ANXA4: variants seen among roughly 807,000 people sequenced by gnomAD.
ANXA4 encodes 35-beta calcimedin.
ANXA4 carries 39 observed loss-of-function variants against 49.8 expected under a neutral mutation model. The observed-to-expected ratio is 0.78, with a 90% confidence interval of 0.61 to 1.02. The LOEUF (loss-of-function observed/expected upper bound fraction) is 1.02. Among genes scored for constraint, ANXA4 ranks in the 50% least tolerant of loss-of-function variants. The pLI is 0.00. For missense variants in ANXA4, 360 were observed against 410.1 expected, an observed-to-expected ratio of 0.88 and a Z score of 1.05; for synonymous variants, 134 against 152.5, an observed-to-expected ratio of 0.88 and a Z score of 0.89.
At chr2:69,724,420 C>G (rs1669904968) in intron 3 of ANXA4, among the ~76,000 whole-genome samples, 1 of 152,188 alleles carries the variant, frequency 6.6e-6, no homozygotes, top group Non-Finnish European at 1.5e-5. Flanking sequence ...CTTCATCCCC[C>G]CATATAAAAG....
At chr2:69,730,060 C>A (rs1239062880) in intron 3 of ANXA4, among the ~76,000 whole-genome samples, 1 of 152,196 alleles carries the variant, frequency 6.6e-6, no homozygotes, top group Non-Finnish European at 1.5e-5. Context: ...CAGGGAGGGG[C>A]CAGGCACGAT....
At chr2:69,783,981 A>G (rs1453569302) in intron 2 of ANXA4, among the ~76,000 whole-genome samples, 1 of 151,998 alleles carries the variant, frequency 6.6e-6, no homozygotes, top group African/African-American at 2.4e-5. Context: ...TTAGTATTCC[A>G]TTGTATTGTA....
chr2:69,808,848 G>T (rs1673569326), intron 6 of ANXA4: 1 of 152,110 alleles, frequency 6.6e-6, no homozygotes, highest in Non-Finnish European at 1.5e-5. Context: ...TTTTTGTAGA[G>T]ATGGGGTTTC....
chr2:69,645,097 C>T (rs1293598546), intron 1 of ANXA4, among the ~76,000 whole-genome samples: 1 of 151,898 alleles, frequency 6.6e-6, no homozygotes, highest in Non-Finnish European at 1.5e-5. Context: ...ATTTTTTTTT[C>T]AGCGGGTATT....
At chr2:69,662,662 T>C (rs1250504556) in intron 2 of ANXA4, among the ~76,000 whole-genome samples, 1 of 152,094 alleles carries the variant, frequency 6.6e-6, no homozygotes, top group Non-Finnish European at 1.5e-5. Flanking sequence ...TTGGGGACTC[T>C]AAGAGGAAAG....
At chr2:69,652,348 A>G (rs999756214) in intron 1 of ANXA4, among the ~76,000 whole-genome samples, 2 of 152,154 alleles carry the variant, frequency 1.3e-5, no homozygotes, top group African/African-American at 4.8e-5. Context: ...TATATGCTGT[A>G]GAATCTTCTC....
chr2:69,793,528 C>T (rs1573268661), intron 3 of ANXA4, among the ~76,000 whole-genome samples: 1 of 151,936 alleles, frequency 6.6e-6, no homozygotes, highest in Admixed American at 6.6e-5. Flanking sequence ...CATATATAAC[C>T]ACACAAACAG....
At position 69,817,368 on chromosome 2, in the gene ANXA4, G is replaced by A. The variant is rs146522076; in HGVS notation, c.628+1174G>A. On this transcript the variant is annotated intron_variant, in intron 9 of 12. Coordinates refer to ENST00000394295, the MANE Select transcript of ANXA4 (RefSeq NM_001153.5). Reference sequence around the variant, plus strand: ...TAATAACTACCGTTTTGTTAATAATGTTCTATTTTCTAGGTGCAGTGTTAA... The same window carrying A: ...TAATAACTACCGTTTTGTTAATAATATTCTATTTTCTAGGTGCAGTGTTAA... 252 of 152,258 alleles carry A rather than the reference G, an allele frequency of 1.7e-3. 1 individual carries two copies. The highest frequency in any genetic ancestry group is 5.8e-3 in the African/African-American group (241 of 41,544). The allele number at this position is 152,258 out of a possible 1,614,324, so 9.4% of individuals were successfully genotyped here.
At chr2:69,743,759 A>G (rs1670502277) in intron 1 of ANXA4, among the ~76,000 whole-genome samples, 1 of 152,078 alleles carries the variant, frequency 6.6e-6, no homozygotes, top group African/African-American at 2.4e-5. Flanking sequence ...CAGACACACA[A>G]CTACTGGATC....
intron 3 of ANXA4, among the ~76,000 whole-genome samples, chr2:69,799,328 T>C (rs758104584): frequency 6.6e-6 from 1 of 152,182 alleles, no homozygotes; most frequent in Non-Finnish European, 1.5e-5. Flanking sequence ...AATGTGCTTA[T>C]TAAGACCCAC....
chr2:69,748,856 G>A (rs183369331), intron 1 of ANXA4, among the ~76,000 whole-genome samples: 3 of 152,034 alleles, frequency 2.0e-5, no homozygotes, highest in Admixed American at 2.0e-4. Context: ...GACTATAGGT[G>A]CATGCCACCA....
In ANXA4 at chr2:69,725,236, A is replaced by AT. The variant is rs1669931310; in HGVS notation, n.864+4366dup. Reference sequence around the variant, plus strand: ...ATTTACAGAGATATAACATATTAACATATATATTAACATCTATCATTTTAG... The same window carrying AT: ...ATTTACAGAGATATAACATATTAACATTATATATTAACATCTATCATTTTAG... On this transcript the variant is annotated intron_variant and non_coding_transcript_variant, in intron 3 of 3. Coordinates refer to the ANXA4 transcript ENST00000418066. Among the ~76,000 whole-genome samples the AT allele has an allele frequency of 2.6e-5, 4 of 151,984 alleles. No homozygotes were observed. In the South Asian group the frequency reaches 8.3e-4, roughly 32 times the overall value.
At chr2:69,801,647 A>T (rs1573287264) in intron 3 of ANXA4, among the ~76,000 whole-genome samples, 1 of 151,904 alleles carries the variant, frequency 6.6e-6, no homozygotes, top group South Asian at 2.1e-4. Context: ...CAAGTGATCC[A>T]CCCACCCCAG....
chr2:69,751,722 T>C (rs1325530894), intron 1 of ANXA4, among the ~76,000 whole-genome samples: 1 of 152,070 alleles, frequency 6.6e-6, no homozygotes, highest in African/African-American at 2.4e-5. Context: ...ATCAGGACCA[T>C]GTGCTGCATC....
chr2:69,717,531 A>T (rs765285861), intron 2 of ANXA4, among the ~76,000 whole-genome samples: 18 of 152,082 alleles, frequency 1.2e-4, no homozygotes, highest in Non-Finnish European at 2.4e-4. Flanking sequence ...AGTTCAAGGG[A>T]TCTGACTTTG....
chr2:69,686,957 ATAACT>A (rs1346689826), intron 2 of ANXA4, among the ~76,000 whole-genome samples: 1 of 152,222 alleles, frequency 6.6e-6, no homozygotes, highest in Non-Finnish European at 1.5e-5. Context: ...TCCAGAACAC[ATAACT>A]TAAAGTCACA....
At position 69,669,826 on chromosome 2, in the gene ANXA4, T is replaced by C. The variant is rs114943479; in HGVS notation, n.766+16544T>C. Among the ~76,000 whole-genome samples, 297 of 152,246 alleles carry C rather than the reference T, an allele frequency of 2.0e-3. 2 individuals carry two copies. The highest frequency in any genetic ancestry group is 0.017 in the Middle Eastern group (5 of 294). On this transcript the variant is annotated intron_variant and non_coding_transcript_variant, in intron 2 of 3. Coordinates refer to the ANXA4 transcript ENST00000418066. Reference sequence around the variant, plus strand: ...TACTGTCTTGTATACCAAATAGTTATCAGGAGCAGGCACATCTAATACTTC... The same window carrying C: ...TACTGTCTTGTATACCAAATAGTTACCAGGAGCAGGCACATCTAATACTTC...
upstream of ANXA4, among the ~76,000 whole-genome samples, chr2:69,738,694 G>A (rs1283999643): frequency 6.6e-6 from 1 of 152,178 alleles, no homozygotes; most frequent in Non-Finnish European, 1.5e-5. Flanking sequence ...GAAACCCTGA[G>A]CCTCCATGAA....
chr2:69,773,204 C>T (rs1353017699), intron 1 of ANXA4, among the ~76,000 whole-genome samples: 1 of 152,158 alleles, frequency 6.6e-6, no homozygotes, highest in Non-Finnish European at 1.5e-5. Flanking sequence ...ATATTTCTAG[C>T]TCCTTGTGTA....
Sources: gnomAD v4.1 joint callset for allele counts (sites outside exome capture counted in the v4.1 genomes callset) on GRCh38, gnomAD v4.1.1 for gene constraint, MANE v1.5 for transcripts, NCBI Gene and HGNC (gene_info 2026-07-23, HGNC 2026-07-21) for gene names.